Variants in ZHX2 observed in about 807,000 individuals in gnomAD.
ZHX2 encodes the protein zinc fingers and homeoboxes protein 2.
Under a neutral mutation model 21.9 loss-of-function variants are expected in ZHX2, and 6 were observed. The observed-to-expected ratio is 0.27, with a 90% confidence interval of 0.15 to 0.54. The LOEUF is 0.54. Ranked by LOEUF, ZHX2 falls within the 20% of genes least tolerant of loss-of-function variation. The pLI is 0.95. For missense variants in ZHX2, 908 were observed against 1,090.7 expected, an observed-to-expected ratio of 0.83 and a Z score of 2.36; for synonymous variants, 434 against 437.1, an observed-to-expected ratio of 0.99 and a Z score of 0.09.
intron 1 of ZHX2, among the ~76,000 whole-genome samples, chr8:122,832,880 G>T (rs531220758): frequency 2.0e-5 from 3 of 152,296 alleles, no homozygotes; most frequent in South Asian, 4.1e-4. Flanking sequence ...GTTTAAAAGA[G>T]ATAGTATGGG....
chr8:122,835,879 C>G (rs1452320625), intron 1 of ZHX2, among the ~76,000 whole-genome samples: 3 of 152,034 alleles, frequency 2.0e-5, no homozygotes, highest in African/African-American at 7.3e-5. Context: ...CCATTTGGAC[C>G]CATTATTTAA....
chr8:122,820,402 G>A (rs1369056017), intron 1 of ZHX2, among the ~76,000 whole-genome samples: 1 of 152,226 alleles, frequency 6.6e-6, no homozygotes, highest in Non-Finnish European at 1.5e-5. Flanking sequence ...CCTCTGGCAG[G>A]CGGCCTGGAA....
At chr8:122,839,644 T>C (rs547993497) in intron 1 of ZHX2, among the ~76,000 whole-genome samples, 23 of 152,334 alleles carry the variant, frequency 1.5e-4, no homozygotes, top group South Asian at 4.1e-4. Context: ...AAGTCCACAA[T>C]ACAGGGAGTA....
chr8:122,939,350 G>T (rs1812784488), intron 2 of ZHX2, among the ~76,000 whole-genome samples: 1 of 152,218 alleles, frequency 6.6e-6, no homozygotes. Context: ...ATAGGATGAA[G>T]GATCTGATAT....
chr8:122,853,249 A>G (rs1563754780), intron 1 of ZHX2, among the ~76,000 whole-genome samples: 1 of 152,104 alleles, frequency 6.6e-6, no homozygotes, highest in East Asian at 1.9e-4. Flanking sequence ...GGAGCATTCT[A>G]TGTGCCAGGA....
At chr8:122,825,167 G>A (rs1331250180) in intron 1 of ZHX2, among the ~76,000 whole-genome samples, 1 of 152,144 alleles carries the variant, frequency 6.6e-6, no homozygotes, top group Non-Finnish European at 1.5e-5. Flanking sequence ...ATCTTTTGAG[G>A]GTGATGGCAC....
intron 1 of ZHX2, among the ~76,000 whole-genome samples, chr8:122,841,755 G>A (rs187539782): frequency 1.9e-4 from 29 of 152,266 alleles, no homozygotes; most frequent in Non-Finnish European, 3.5e-4. Flanking sequence ...TTGACAGCTC[G>A]GAAAGCCTCT....
chr8:122,951,560 AAGT>A lies in ZHX2; in HGVS notation c.56_58del (p.Val19del), dbSNP rs763573090. 49 of 1,613,702 alleles carry A rather than the reference AAGT, an allele frequency of 3.0e-5. No homozygotes were observed. Among genetic ancestry groups the A allele is most frequent in the Non-Finnish European group, 4.1e-5 (48 of 1,179,938 alleles). On this transcript the variant is annotated inframe_deletion, in exon 3 of 4. Transcript: ENST00000314393. ...ACTCCATGCATGGTTCGGACATCAC[AAGT>A]AGTAGAACAAGATGTGCCCGAGGAA...
At chr8:122,857,186 G>A (rs1819046749) in intron 1 of ZHX2, among the ~76,000 whole-genome samples, 1 of 152,120 alleles carries the variant, frequency 6.6e-6, no homozygotes, top group Non-Finnish European at 1.5e-5. Context: ...GCTTGAGTTA[G>A]CGCAATAATG....
intron 3 of ZHX2, among the ~76,000 whole-genome samples, chr8:122,957,783 T>C (rs56129936): frequency 0.11 from 16,886 of 152,048 alleles, 1,073 homozygotes; most frequent in African/African-American, 0.17. Context: ...TGGAGTTCCA[T>C]GGTATTGAGA....
At chr8:122,913,407 C>G (rs1202205038) in intron 2 of ZHX2, among the ~76,000 whole-genome samples, 1 of 152,236 alleles carries the variant, frequency 6.6e-6, no homozygotes, top group Non-Finnish European at 1.5e-5. Context: ...AACCACTCTA[C>G]TCCTCAGCAG....
chr8:122,814,031 T>G (rs1817981367), intron 1 of ZHX2, among the ~76,000 whole-genome samples: 1 of 152,236 alleles, frequency 6.6e-6, no homozygotes, highest in African/African-American at 2.4e-5. Context: ...TTAGTCATAC[T>G]ACTGATAAAT....
rs759681757 is a variant in ZHX2, at chr8:122,953,059, C to A, written c.1549C>A (p.Arg517=). The A allele has an allele frequency of 1.2e-6, 2 of 1,613,934 alleles. No homozygotes were observed. The highest frequency in any genetic ancestry group is 2.7e-5 in the African/African-American group (2 of 74,912). Residue 517 remains arginine, a synonymous_variant, in exon 3 of 4, where the codon CGA becomes AGA. Coordinates refer to ENST00000314393, the MANE Select transcript of ZHX2 (RefSeq NM_014943.5). This position sits in a 1 kb window ranked among gnomAD's most constrained non-coding sequence, Gnocchi z 4.6. Reference sequence around the variant, plus strand: ...AGACCAGTTGGCCATCGCGGCCTCCCGACACGGTCGCACGTATCATGCGTA... The same window carrying A: ...AGACCAGTTGGCCATCGCGGCCTCCAGACACGGTCGCACGTATCATGCGTA... ...AKDQLAIAAS[R]HGRTYHAYPD... is the part of the protein sequence containing the mutation.
intron 3 of ZHX2, among the ~76,000 whole-genome samples, chr8:122,962,775 A>G (rs10956110): frequency 0.3 from 46,175 of 152,088 alleles, 8,121 homozygotes; most frequent in African/African-American, 0.49. Flanking sequence ...TATCACATCC[A>G]TGCCAACATC....
intron 2 of ZHX2, among the ~76,000 whole-genome samples, chr8:122,918,929 C>T (rs983125020): frequency 1.3e-5 from 2 of 148,538 alleles, no homozygotes; most frequent in African/African-American, 2.5e-5. Context: ...GACTGGTGAC[C>T]GAGCAAGACT....
chr8:122,842,407 T>C (rs2130714403), intron 1 of ZHX2, among the ~76,000 whole-genome samples: 1 of 152,268 alleles, frequency 6.6e-6, no homozygotes, highest in Non-Finnish European at 1.5e-5. Flanking sequence ...AGGGAGCTTG[T>C]TAAAAAGCTG....
At chr8:122,802,875 T>C (rs973287187) in intron 1 of ZHX2, among the ~76,000 whole-genome samples, 5 of 152,138 alleles carry the variant, frequency 3.3e-5, no homozygotes, top group African/African-American at 1.2e-4. Context: ...TCTTGGGAAG[T>C]CACTTTTTCC....
intron 2 of ZHX2, among the ~76,000 whole-genome samples, chr8:122,866,990 T>G (rs1242974468): frequency 1.7e-3 from 30 of 17,390 alleles, no homozygotes; most frequent in African/African-American, 0.012. Context: ...ATGCCAGCTA[T>G]TTTTTTTTTT....
chr8:122,809,120 G>C (rs1817877701), intron 1 of ZHX2: 3 of 152,256 alleles, frequency 2.0e-5, no homozygotes, highest in African/African-American at 7.2e-5. Context: ...CTCAGCCCCT[G>C]AAGTGATGTT....
Sources: allele counts gnomAD v4.1 joint callset (sites outside exome capture counted in the v4.1 genomes callset), GRCh38; gene constraint gnomAD v4.1.1; non-coding constraint Gnocchi (gnomAD v3.1); transcripts MANE v1.5; gene names NCBI Gene and HGNC (gene_info 2026-07-23, HGNC 2026-07-21).